TANC2: variants seen among roughly 807,000 people sequenced by gnomAD.
TANC2 encodes protein TANC2.
Under a neutral mutation model 210.5 loss-of-function variants are expected in TANC2, and 26 were observed. The observed-to-expected ratio is 0.12, with a 90% CI of 0.09 to 0.17. TANC2 has a LOEUF of 0.17. Among genes scored for constraint, TANC2 ranks in the 10% least tolerant of loss-of-function variants. The probability of loss-of-function intolerance (pLI) is 1.00; values close to 1 mark genes in which losing one functional copy is unlikely to be tolerated. For synonymous variants in TANC2, 931 were observed against 967.1 expected (o/e 0.96, Z 0.69); for missense variants, 2,129 against 2,608.9 (o/e 0.82, Z 4.01).
exon 22 of TANC2, chr17:63,411,542 A>G (rs774129185): frequency 1.2e-6 from 2 of 1,613,282 alleles, no homozygotes; most frequent in South Asian, 2.2e-5. Flanking sequence ...ACAAAGAAGG[A>G]TTGACAGCCC....
intron 7 of TANC2, among the ~76,000 whole-genome samples, chr17:63,236,088 T>TTTATTCTAATTC (rs1214545723): frequency 2.0e-5 from 3 of 152,168 alleles, no homozygotes; most frequent in Admixed American, 2.0e-4. Flanking sequence ...GACTGCTTAT[T>TTTATTCTAATTC]TTATTCTAAT....
In TANC2 at chr17:63,026,663, G is replaced by C. The variant is rs140990462; in HGVS notation, c.67+17037G>C. On this transcript the variant is annotated intron_variant, in intron 2 of 27. Coordinates refer to ENST00000689528, the Ensembl canonical transcript of TANC2. Reference sequence around the variant, plus strand: ...GATATTCAGTGATCATATATTGAATGAATAACTATTCAGAGATAAAATGTT... The same window carrying C: ...GATATTCAGTGATCATATATTGAATCAATAACTATTCAGAGATAAAATGTT... Among the ~76,000 whole-genome samples the C allele has an allele frequency of 6.1e-3, 926 of 152,192 alleles. 3 individuals are homozygous for C. Among genetic ancestry groups the C allele is most frequent in the South Asian group, 0.016 (75 of 4,820 alleles).
At chr17:63,318,464 T>C (rs1389944662) in intron 10 of TANC2, among the ~76,000 whole-genome samples, 3 of 152,202 alleles carry the variant, frequency 2.0e-5, no homozygotes, top group Non-Finnish European at 4.4e-5. Context: ...TAAAAGAAGC[T>C]CATGCCTGTT....
chr17:62,983,150 A>G (rs916965640), intron 1 of TANC2, among the ~76,000 whole-genome samples: 2 of 152,040 alleles, frequency 1.3e-5, no homozygotes, highest in African/African-American at 4.8e-5. Context: ...AGTTTTTCTT[A>G]TAGAGGTCTT....
chr17:63,137,894 C>T (rs2039145751), intron 4 of TANC2, among the ~76,000 whole-genome samples: 4 of 152,084 alleles, frequency 2.6e-5, no homozygotes. Context: ...TTTATTAGCT[C>T]TGCATCTCAT....
intron 9 of TANC2, among the ~76,000 whole-genome samples, chr17:63,275,901 G>T (rs2043857453): frequency 6.6e-6 from 1 of 152,066 alleles, no homozygotes; most frequent in South Asian, 2.1e-4. Context: ...ACTTTAAAAT[G>T]CCTTGAGTGC....
In TANC2 at chr17:63,031,415, G is replaced by A. The variant is rs183396014; in HGVS notation, c.67+21789G>A. On this transcript the variant is annotated intron_variant, in intron 2 of 27. Coordinates refer to ENST00000689528, the Ensembl canonical transcript of TANC2. ...AAAAAATGATTTTTTTCAAAGTAAA[G>A]CCTGGCTATACTATTTGCTTCAAAA... Among the ~76,000 whole-genome samples, 244 of 152,178 alleles carry A rather than the reference G, an allele frequency of 1.6e-3. 2 individuals are homozygous for A. The highest frequency in any genetic ancestry group is 3.4e-3 in the Middle Eastern group (1 of 294).
intron 3 of TANC2, among the ~76,000 whole-genome samples, chr17:63,079,288 T>C (rs977495593): frequency 6.6e-6 from 1 of 152,160 alleles, no homozygotes; most frequent in Non-Finnish European, 1.5e-5. Context: ...GGTGTGTAGC[T>C]CCAGGATTTG....
At chr17:63,226,897 T>C (rs952585629) in intron 7 of TANC2, among the ~76,000 whole-genome samples, 4 of 152,190 alleles carry the variant, frequency 2.6e-5, no homozygotes, top group African/African-American at 9.7e-5. Context: ...ATAATGGCTT[T>C]GAGCTGCATC....
intron 9 of TANC2, among the ~76,000 whole-genome samples, chr17:63,275,110 C>T (rs914202456): frequency 6.6e-6 from 1 of 152,124 alleles, no homozygotes; most frequent in Non-Finnish European, 1.5e-5. Flanking sequence ...ATGGTAGCTA[C>T]GTGGGTTAAA....
At chr17:63,033,936 T>C (rs1019390855) in intron 2 of TANC2, among the ~76,000 whole-genome samples, 2 of 152,160 alleles carry the variant, frequency 1.3e-5, no homozygotes, top group Admixed American at 6.6e-5. Flanking sequence ...TTTTCACACA[T>C]GTGTAAATGT....
At position 63,061,183 on chromosome 17, in the gene TANC2, A is replaced by C. The variant is rs182263998; in HGVS notation, c.68-12760A>C. Among the ~76,000 whole-genome samples, 8 of 152,324 alleles carry C rather than the reference A, an allele frequency of 5.3e-5. No homozygotes were observed. The East Asian group carries it at 1.5e-3, about 29-fold the overall frequency. On this transcript the variant is annotated intron_variant, in intron 2 of 27. Transcript: ENST00000689528. Reference sequence around the variant, plus strand: ...GGAGTTCGAGACCAGCCTGACCAACATGGTGAAACCTCGTCTCTACTAAAA... The same window carrying C: ...GGAGTTCGAGACCAGCCTGACCAACCTGGTGAAACCTCGTCTCTACTAAAA...
chr17:63,055,650 CTTT>C (rs369794571), intron 2 of TANC2, among the ~76,000 whole-genome samples: 6 of 138,658 alleles, frequency 4.3e-5, no homozygotes, highest in Admixed American at 1.5e-4. Flanking sequence ...AACATCTTCA[CTTT>C]TTTTTTTTTT....
chr17:63,128,850 TTG>T (rs1334638333), intron 4 of TANC2, among the ~76,000 whole-genome samples: 1 of 152,214 alleles, frequency 6.6e-6, no homozygotes, highest in South Asian at 2.1e-4. Context: ...CAAAATTTAA[TTG>T]TGAGTGGAAA....
intron 3 of TANC2, among the ~76,000 whole-genome samples, chr17:63,075,246 A>G (rs1395785046): frequency 1.3e-5 from 2 of 152,302 alleles, no homozygotes; most frequent in South Asian, 2.1e-4. Flanking sequence ...TAAATGTCAA[A>G]TTTTATTAAG....
At chr17:63,301,055 G>T (rs2044697118) in intron 9 of TANC2, among the ~76,000 whole-genome samples, 1 of 152,086 alleles carries the variant, frequency 6.6e-6, no homozygotes, top group East Asian at 1.9e-4. Flanking sequence ...TTTGTCATTG[G>T]TTCTGTTTAT....
chr17:63,404,000 A>G (rs1368681285), intron 19 of TANC2, among the ~76,000 whole-genome samples: 1 of 152,252 alleles, frequency 6.6e-6, no homozygotes, highest in African/African-American at 2.4e-5. Flanking sequence ...TAAAGTTTGC[A>G]AACTGCAGTA....
intron 11 of TANC2, among the ~76,000 whole-genome samples, chr17:63,320,172 CT>C (rs1297852369): frequency 6.6e-6 from 1 of 152,122 alleles, no homozygotes; most frequent in Non-Finnish European, 1.5e-5. Flanking sequence ...TTTGTTTTTC[CT>C]AGGGGTTTAT....
At chr17:63,366,327 A>T (rs2047109391) in intron 14 of TANC2, among the ~76,000 whole-genome samples, 1 of 152,208 alleles carries the variant, frequency 6.6e-6, no homozygotes, top group Non-Finnish European at 1.5e-5. Flanking sequence ...GTCTACCAAG[A>T]CTTACAGGTT....
Sources: allele counts gnomAD v4.1 joint callset (sites outside exome capture counted in the v4.1 genomes callset), GRCh38; gene constraint gnomAD v4.1.1; transcripts MANE v1.5; gene names NCBI Gene and HGNC (gene_info 2026-07-23, HGNC 2026-07-21).